Variants in AK3 observed in about 807,000 individuals in gnomAD.
AK3 encodes the protein GTP:AMP phosphotransferase AK3, mitochondrial.
A neutral mutation model predicts 23.7 loss-of-function variants in AK3; 27 were observed. That is an observed-to-expected ratio of 1.14 (90% CI 0.84 to 1.57). The LOEUF (loss-of-function observed/expected upper bound fraction) is 1.57, where lower values mean the gene tolerates loss of function less well. Ranked by LOEUF, AK3 falls within the 40% of genes most tolerant of loss-of-function variation. The pLI is 0.00. For synonymous variants in AK3, 159 were observed against 116.0 expected (o/e 1.37, Z -2.38); for missense variants, 406 against 285.6 (o/e 1.42, Z -3.04).
intron 1 of AK3, among the ~76,000 whole-genome samples, chr9:4,727,078 A>C (rs904120599): frequency 6.6e-6 from 1 of 152,220 alleles, no homozygotes. Flanking sequence ...ACCATGCTAT[A>C]AACCGATGTG....
At chr9:4,735,960 CA>C (rs1415067714) in intron 1 of AK3, among the ~76,000 whole-genome samples, 1 of 151,330 alleles carries the variant, frequency 6.6e-6, no homozygotes, top group Admixed American at 6.6e-5. Context: ...ACTAAAAATA[CA>C]AAAATTAGCT....
chr9:4,723,706 T>C (rs1841957219), intron 1 of AK3, among the ~76,000 whole-genome samples: 1 of 152,206 alleles, frequency 6.6e-6, no homozygotes, highest in African/African-American at 2.4e-5. Flanking sequence ...GGTAACCATA[T>C]TACACTCCAA....
chr9:4,715,872 C>T (rs796345324), intron 4 of AK3, among the ~76,000 whole-genome samples: 7 of 152,200 alleles, frequency 4.6e-5, no homozygotes, highest in South Asian at 4.1e-4. Context: ...ACTCAGTCGA[C>T]GAGGTTCAGG....
intron 1 of AK3, among the ~76,000 whole-genome samples, chr9:4,728,995 A>C: frequency 1.6e-5 from 2 of 121,264 alleles, no homozygotes; most frequent in Non-Finnish European, 3.3e-5. Context: ...ATACACACAC[A>C]CACATATATA....
intron 3 of AK3, among the ~76,000 whole-genome samples, chr9:4,718,934 A>T (rs1841813748): frequency 6.6e-6 from 1 of 152,218 alleles, no homozygotes; most frequent in African/African-American, 2.4e-5. Flanking sequence ...TTTTTGAATG[A>T]GTAACAAACC....
At chr9:4,719,383 G>T in intron 2 of AK3, 76 bp from the exon 3 acceptor site, 1 of 1,018,628 alleles carries the variant, frequency 9.8e-7, no homozygotes, top group Admixed American at 2.7e-5. Context: ...GGTGGAGAAA[G>T]AAGAAAGAAA....
chr9:4,733,665 A>C (rs1486709808), intron 1 of AK3, among the ~76,000 whole-genome samples: 1 of 152,108 alleles, frequency 6.6e-6, no homozygotes, highest in African/African-American at 2.4e-5. Context: ...TCCCCTTCCC[A>C]TTCACTCTGC....
At chr9:4,735,548 G>A (rs1842272305) in intron 1 of AK3, among the ~76,000 whole-genome samples, 1 of 142,136 alleles carries the variant, frequency 7.0e-6, no homozygotes. Flanking sequence ...CATGATCTTG[G>A]CTCAATGCAA....
At chr9:4,732,380 G>A (rs1420773224) in intron 1 of AK3, among the ~76,000 whole-genome samples, 1 of 152,098 alleles carries the variant, frequency 6.6e-6, no homozygotes, top group African/African-American at 2.4e-5. Flanking sequence ...TCAACAGTAG[G>A]CTATTTAAAT....
At position 4,713,064 on chromosome 9, in the gene AK3, G is replaced by T. The variant is rs1298019821; in HGVS notation, c.596C>A (p.Thr199Lys). 6.2e-7 allele frequency: 1 copy of T among 1,613,640 alleles called. No individual in the cohort carries two copies. The highest frequency in any genetic ancestry group is 1.1e-5 in the South Asian group (1 of 91,058). The change falls in exon 5 of 5, where the codon ACA (threonine) becomes AAA (lysine). Residue 199 changes from threonine to lysine, a missense_variant. Transcript: ENST00000381809. Reference protein sequence around the residue: ...KKGVLETFSGTETNKIWPYVY... With the variant: ...KKGVLETFSGKETNKIWPYVY... ...ATAGGGCCAAATCTTGTTGGTTTCT[G>T]TTCCGGAGAATGTTTCCAGCACCCC... is the stretch of plus-strand genomic sequence containing the variant.
intron 4 of AK3, among the ~76,000 whole-genome samples, chr9:4,715,456 G>GCAAT (rs1841701967): frequency 1.3e-5 from 2 of 149,972 alleles, no homozygotes; most frequent in Non-Finnish European, 3.0e-5. Flanking sequence ...CTGCAGTGGA[G>GCAAT]CAATCATAGA....
intron 1 of AK3, among the ~76,000 whole-genome samples, chr9:4,728,345 C>A (rs11525119): frequency 1.3e-5 from 2 of 151,706 alleles, no homozygotes; most frequent in East Asian, 1.9e-4. Flanking sequence ...CCGAGGCAGG[C>A]GCATCACTTG....
At chr9:4,721,039 A>G (rs1294725084) in intron 2 of AK3, among the ~76,000 whole-genome samples, 2 of 152,176 alleles carry the variant, frequency 1.3e-5, no homozygotes, top group African/African-American at 4.8e-5. Flanking sequence ...CTCATAAAGA[A>G]GCAAGACTTT....
intron 1 of AK3, among the ~76,000 whole-genome samples, chr9:4,725,616 G>A (rs765291857): frequency 6.6e-6 from 1 of 151,834 alleles, no homozygotes; most frequent in Non-Finnish European, 1.5e-5. Context: ...AAAAAGAAAC[G>A]AAAAGAAAAG....
At position 4,711,141 on chromosome 9, in the gene AK3, C is replaced by T. The variant is rs1325095258; in HGVS notation, c.*1835G>A. ...AGCAGGAGATGAAGTATTGCATAAA[C>T]TGAAACCAGCCTATGGACTGTTTTA... is the stretch of plus-strand genomic sequence containing the variant. On this transcript the variant is annotated 3_prime_UTR_variant, in exon 5 of 5. Coordinates refer to ENST00000381809, the MANE Select transcript of AK3 (RefSeq NM_016282.4). The T allele has an allele frequency of 6.6e-6, 1 of 152,246 alleles. No individual in the cohort carries two copies. Among genetic ancestry groups the T allele is most frequent in the Non-Finnish European group, 1.5e-5 (1 of 68,030 alleles). 9.4% of individuals were successfully genotyped at this position (152,246 alleles called of 1,614,324 possible). A position where few individuals can be genotyped will look rare whatever the true frequency, so the allele number is the denominator to read the frequency against.
intron 1 of AK3, among the ~76,000 whole-genome samples, chr9:4,737,200 A>G (rs973918946): frequency 3.3e-5 from 5 of 151,846 alleles, no homozygotes; most frequent in African/African-American, 4.8e-5. Flanking sequence ...TATAATTTTC[A>G]TGAAATACAG....
At chr9:4,735,418 CATATATAAATATATAT>C (rs1253414319) in intron 1 of AK3, among the ~76,000 whole-genome samples, 2 of 90,046 alleles carry the variant, frequency 2.2e-5, no homozygotes, top group South Asian at 6.9e-4. Context: ...AATATATATA[CATATATAAATATATAT>C]ATACATATAT....
intron 1 of AK3, among the ~76,000 whole-genome samples, chr9:4,727,867 C>T (rs1053614315): frequency 6.6e-6 from 1 of 152,138 alleles, no homozygotes; most frequent in Non-Finnish European, 1.5e-5. Flanking sequence ...TTAGAGGCCA[C>T]TGTAGGGTTA....
chr9:4,714,015 C>A (rs1841639389), intron 4 of AK3, among the ~76,000 whole-genome samples: 2 of 148,520 alleles, frequency 1.3e-5, no homozygotes, highest in Admixed American at 6.7e-5. Flanking sequence ...TATACACCTA[C>A]ACATATACAG....
Sources: gnomAD v4.1 joint callset for allele counts (sites outside exome capture counted in the v4.1 genomes callset) on GRCh38, gnomAD v4.1.1 for gene constraint, MANE v1.5 for transcripts, NCBI Gene and HGNC (gene_info 2026-07-23, HGNC 2026-07-21) for gene names.